The following GSDMC variants were observed in gnomAD, a reference collection of about 807,000 sequenced individuals.
GSDMC encodes gasdermin-C.
In GSDMC, 59 loss-of-function variants were observed where a neutral mutation model predicts 58.0. The ratio of observed to expected loss-of-function variants is 1.02; its 90% CI spans 0.82 to 1.26. The LOEUF is 1.26. Ranked by LOEUF, GSDMC falls within the 50% of genes most tolerant of loss-of-function variation. The pLI is 0.00. For missense variants in GSDMC, 659 were observed against 598.5 expected, an observed-to-expected ratio of 1.10 and a Z score of -1.06; for synonymous variants, 241 against 220.2, an observed-to-expected ratio of 1.09 and a Z score of -0.83.
chr8:129,709,177 T>C, the GSDMC span, among the ~76,000 whole-genome samples: 2 of 152,030 alleles, frequency 1.3e-5, no homozygotes, highest in African/African-American at 4.8e-5. Flanking sequence ...CCCCTTCTTT[T>C]TTTTTTTTTA....
intron 1 of GSDMC, among the ~76,000 whole-genome samples, chr8:129,785,798 A>G (rs1238638965): frequency 6.6e-6 from 1 of 152,114 alleles, no homozygotes; most frequent in Admixed American, 6.6e-5. Flanking sequence ...CTTCTTTAAG[A>G]CTGGACCTGT....
the GSDMC span, chr8:129,728,745 A>G: frequency 2.3e-5 from 11 of 476,770 alleles, no homozygotes; most frequent in Admixed American, 1.6e-4. Flanking sequence ...CAAACTGCAC[A>G]GTGCGATATA....
At chr8:129,765,517 C>T in intron 4 of GSDMC, 111 bp downstream of exon 4, 1 of 779,732 alleles carries the variant, frequency 1.3e-6, no homozygotes, top group Non-Finnish European at 2.3e-6. Context: ...ATGACTCCAT[C>T]CCTTGTAATC....
chr8:129,750,415 C>A lies in GSDMC; in HGVS notation c.1083+16G>T. ...TACAGCTTTTACCAGACCTATGCAA[C>A]TGTGGAGCCCCTCACCATGTTCATC... On this transcript the variant is annotated intron_variant, in intron 11 of 13. Transcript: ENST00000276708. 1 of 1,610,146 alleles carries A rather than the reference C, an allele frequency of 6.2e-7. No individual in the cohort carries two copies. Among genetic ancestry groups the A allele is most frequent in the South Asian group, 1.1e-5 (1 of 90,442 alleles).
At position 129,760,113 on chromosome 8, in the gene GSDMC, AG is replaced by A. The variant is rs200110346; in HGVS notation, c.721+431del. ...ATGTTAAGTGAAATAAGTCAGGAAT[AG>A]AAACACAAACATTTTATGTTTTCAC... On this transcript the variant is annotated intron_variant, in intron 6 of 13. Transcript: ENST00000276708. 1.0e-3 allele frequency among the ~76,000 whole-genome samples: 159 copies of A among 152,360 alleles called. 2 individuals carry two copies. The East Asian group carries it at 0.028, about 27-fold the overall frequency.
chr8:129,735,393 C>A, the GSDMC span, among the ~76,000 whole-genome samples: 1 of 152,132 alleles, frequency 6.6e-6, no homozygotes, highest in Non-Finnish European at 1.5e-5. Context: ...CAAAATTGAC[C>A]ACATAGTTGG....
chr8:129,759,348 C>A (rs969074574), intron 6 of GSDMC, among the ~76,000 whole-genome samples: 12 of 152,042 alleles, frequency 7.9e-5, no homozygotes, highest in Non-Finnish European at 1.8e-4. Context: ...GCAACTAAAG[C>A]AAAAATAGAC....
At chr8:129,782,324 C>T (rs1190947284) in intron 1 of GSDMC, among the ~76,000 whole-genome samples, 2 of 151,518 alleles carry the variant, frequency 1.3e-5, no homozygotes, top group African/African-American at 4.9e-5. Context: ...CAAGAGCAGC[C>T]CAAACCCAAA....
chr8:129,749,899 G>A, intron 12 of GSDMC, 91 bp downstream of exon 12: 4 of 1,029,638 alleles, frequency 3.9e-6, no homozygotes, highest in Non-Finnish European at 5.7e-6. Flanking sequence ...GCATTCAAAG[G>A]GCTTTGGAGA....
chr8:129,711,278 T>C, the GSDMC span, among the ~76,000 whole-genome samples: 1 of 152,188 alleles, frequency 6.6e-6, no homozygotes, highest in Non-Finnish European at 1.5e-5. Flanking sequence ...ACATCCACTC[T>C]CTTATCCATG....
At chr8:129,742,506 C>T in the GSDMC span, among the ~76,000 whole-genome samples, 10 of 152,268 alleles carry the variant, frequency 6.6e-5, no homozygotes, top group South Asian at 1.9e-3. Context: ...CAGGGTCATT[C>T]TACAGGTCTC....
chr8:129,712,757 G>C, the GSDMC span, among the ~76,000 whole-genome samples: 1 of 152,222 alleles, frequency 6.6e-6, no homozygotes, highest in Non-Finnish European at 1.5e-5. Context: ...ATAAATATTA[G>C]ACAGGCAACC....
chr8:129,784,807 A>C (rs978361411), intron 1 of GSDMC, among the ~76,000 whole-genome samples: 1 of 152,258 alleles, frequency 6.6e-6, no homozygotes, highest in African/African-American at 2.4e-5. Context: ...TGTTTGTTGC[A>C]GCACTGTTCA....
intron 3 of GSDMC, among the ~76,000 whole-genome samples, chr8:129,775,653 A>G (rs953444837): frequency 2.0e-5 from 3 of 152,162 alleles, no homozygotes; most frequent in African/African-American, 7.2e-5. Flanking sequence ...TTATATCTCA[A>G]TACAGCTGAA....
intron 3 of GSDMC, among the ~76,000 whole-genome samples, chr8:129,771,944 A>T (rs949374181): frequency 1.3e-5 from 2 of 152,154 alleles, no homozygotes; most frequent in Non-Finnish European, 2.9e-5. Flanking sequence ...CAAATCAACA[A>T]CCTAACTTTA....
chr8:129,722,121 C>G, the GSDMC span, among the ~76,000 whole-genome samples: 1 of 152,192 alleles, frequency 6.6e-6, no homozygotes, highest in South Asian at 2.1e-4. Flanking sequence ...TTAAGTCACT[C>G]TATTCCCTGT....
At chr8:129,769,548 C>T (rs1217908241) in intron 3 of GSDMC, among the ~76,000 whole-genome samples, 1 of 152,090 alleles carries the variant, frequency 6.6e-6, no homozygotes, top group Non-Finnish European at 1.5e-5. Context: ...TGGTGAAAAG[C>T]AGAAGCAAAC....
At chr8:129,725,471 C>T in the GSDMC span, among the ~76,000 whole-genome samples, 1 of 152,158 alleles carries the variant, frequency 6.6e-6, no homozygotes, top group Non-Finnish European at 1.5e-5. Context: ...CTTATCACCC[C>T]CCTCCAGAGC....
chr8:129,785,290 AAGAC>A (rs1351018825), intron 1 of GSDMC, among the ~76,000 whole-genome samples: 1 of 152,034 alleles, frequency 6.6e-6, no homozygotes, highest in Non-Finnish European at 1.5e-5. Context: ...CAGGCACAGA[AAGAC>A]AAACTTTACA....
Sources: allele counts gnomAD v4.1 joint callset (sites outside exome capture counted in the v4.1 genomes callset), GRCh38; gene constraint gnomAD v4.1.1; transcripts MANE v1.5; gene names NCBI Gene and HGNC (gene_info 2026-07-23, HGNC 2026-07-21).